ATE1: variants seen among roughly 807,000 people sequenced by gnomAD.
The protein encoded by ATE1 is arginyltransferase 1.
Under a neutral mutation model 70.5 loss-of-function variants are expected in ATE1, and 36 were observed. That is an observed-to-expected ratio of 0.51 (90% CI 0.39 to 0.67). The LOEUF (loss-of-function observed/expected upper bound fraction) is 0.67, where lower values mean the gene tolerates loss of function less well. ATE1 is among the 30% of genes least tolerant of loss of function. ATE1 has a pLI of 0.00. For synonymous variants in ATE1, 232 were observed against 219.3 expected, an observed-to-expected ratio of 1.06 and a Z score of -0.51; for missense variants, 593 against 629.5, an observed-to-expected ratio of 0.94 and a Z score of 0.62.
intron 4 of ATE1, among the ~76,000 whole-genome samples, chr10:121,912,535 C>G (rs1459096094): frequency 2.0e-5 from 3 of 151,416 alleles, no homozygotes; most frequent in Non-Finnish European, 4.4e-5. Flanking sequence ...GCCTGTGGTC[C>G]CAGCTACTCG....
intron 3 of ATE1, among the ~76,000 whole-genome samples, chr10:121,918,425 CTACTT>C (rs760173503): frequency 2.6e-5 from 4 of 151,764 alleles, no homozygotes; most frequent in Non-Finnish European, 4.4e-5. Context: ...AATCACATAA[CTACTT>C]TATTTTGCAA....
At chr10:121,881,852 G>A (rs749646452) in intron 7 of ATE1, among the ~76,000 whole-genome samples, 6 of 152,114 alleles carry the variant, frequency 3.9e-5, no homozygotes, top group Non-Finnish European at 7.4e-5. Flanking sequence ...GGAGTGCAGC[G>A]GCACGACCTC....
At chr10:121,826,703 T>C (rs1264599109) in intron 10 of ATE1, among the ~76,000 whole-genome samples, 6 of 152,232 alleles carry the variant, frequency 3.9e-5, no homozygotes, top group Non-Finnish European at 5.9e-5. Context: ...GGCGTACAAA[T>C]GAATCTGTCA....
chr10:121,795,534 T>G (rs893032414), intron 10 of ATE1, among the ~76,000 whole-genome samples: 2 of 152,192 alleles, frequency 1.3e-5, no homozygotes, highest in Non-Finnish European at 2.9e-5. Context: ...TTTAACTCTT[T>G]AAATACTCAG....
upstream of ATE1, chr10:121,928,368 T>A: frequency 1.3e-6 from 2 of 1,532,950 alleles, no homozygotes; most frequent in Non-Finnish European, 1.8e-6. Flanking sequence ...TTGCCCTCCT[T>A]GGAATCGCAG....
chr10:121,809,485 TTAAA>T (rs1476632232), intron 10 of ATE1, among the ~76,000 whole-genome samples: 2 of 152,156 alleles, frequency 1.3e-5, no homozygotes, highest in African/African-American at 4.8e-5. Flanking sequence ...GTACTTATAA[TTAAA>T]TAATCTTTAT....
chr10:121,842,068 T>C (rs1948651112), intron 8 of ATE1, among the ~76,000 whole-genome samples: 1 of 152,152 alleles, frequency 6.6e-6, no homozygotes, highest in African/African-American at 2.4e-5. Flanking sequence ...TCTGAGAAGG[T>C]ACACAATCCC....
chr10:121,743,473 G>T lies in ATE1; in HGVS notation c.*207C>A. On this transcript the variant is annotated 3_prime_UTR_variant, in exon 12 of 12. Transcript: ENST00000224652. The stretch of plus-strand genomic sequence containing the variant: ...GATAAATCCCAATTATGGGGGCTAG[G>T]TCATAATGCAGTTTTAAAATCTTTA... The T allele has an allele frequency of 9.9e-7, 1 of 1,010,538 alleles. No homozygotes were observed. The highest frequency in any genetic ancestry group is 3.6e-4 in the Middle Eastern group (1 of 2,746). 62.6% of individuals were successfully genotyped at this position (1,010,538 alleles called of 1,614,324 possible).
At chr10:121,897,547 G>C (rs7914315) in intron 7 of ATE1, among the ~76,000 whole-genome samples, 2,265 of 152,244 alleles carry the variant, frequency 0.015, 57 homozygotes, top group African/African-American at 0.05. Context: ...TGTAGATTCT[G>C]GCCGGACCCG....
intron 11 of ATE1, among the ~76,000 whole-genome samples, chr10:121,767,243 C>T (rs1945315191): frequency 6.6e-6 from 1 of 152,142 alleles, no homozygotes; most frequent in African/African-American, 2.4e-5. Flanking sequence ...AGGGGAACGT[C>T]TTCAACTTGA....
chr10:121,906,584 A>G (rs140327448), intron 5 of ATE1, among the ~76,000 whole-genome samples: 163 of 50,192 alleles, frequency 3.2e-3, no homozygotes, highest in Non-Finnish European at 9.1e-3. Context: ...GCAGGTTCCA[A>G]AAAAAAAAAA....
intron 11 of ATE1, among the ~76,000 whole-genome samples, chr10:121,786,193 C>T (rs1477921644): frequency 7.3e-6 from 1 of 137,666 alleles, no homozygotes; most frequent in Non-Finnish European, 1.5e-5. Context: ...ACAGCACATG[C>T]TCAAGAAAGT....
chr10:121,788,593 G>A (rs1222680199), intron 11 of ATE1, among the ~76,000 whole-genome samples: 1 of 152,168 alleles, frequency 6.6e-6, no homozygotes, highest in South Asian at 2.1e-4. Context: ...AAGTTACTGC[G>A]TCCCTTTCCC....
At chr10:121,903,238 G>C (rs941968986) in intron 5 of ATE1, among the ~76,000 whole-genome samples, 1 of 152,026 alleles carries the variant, frequency 6.6e-6, no homozygotes, top group Non-Finnish European at 1.5e-5. Flanking sequence ...CTGCCTTTGT[G>C]AGGAAGAACA....
chr10:121,838,976 A>C (rs1948530124), intron 9 of ATE1, among the ~76,000 whole-genome samples: 1 of 152,228 alleles, frequency 6.6e-6, no homozygotes, highest in Non-Finnish European at 1.5e-5. Flanking sequence ...TTTCACCAAA[A>C]TACATTAAAA....
chr10:121,898,713 G>A (rs10788221), intron 7 of ATE1: 357,577 of 1,075,820 alleles, frequency 0.33, 62,011 homozygotes, highest in South Asian at 0.42. Flanking sequence ...TATGAGTCAT[G>A]TGAGTGTTCA....
chr10:121,853,772 T>C (rs1427496901), intron 8 of ATE1, among the ~76,000 whole-genome samples: 2 of 152,156 alleles, frequency 1.3e-5, no homozygotes, highest in African/African-American at 4.8e-5. Context: ...GGGCATTTTA[T>C]AAAGAATAGA....
intron 8 of ATE1, among the ~76,000 whole-genome samples, chr10:121,849,385 G>A (rs187976463): frequency 6.6e-6 from 1 of 151,942 alleles, no homozygotes; most frequent in Non-Finnish European, 1.5e-5. Flanking sequence ...CTCATCCCTG[G>A]ACCTCCCATC....
At chr10:121,834,982 T>C (rs1948380532) in intron 10 of ATE1, among the ~76,000 whole-genome samples, 1 of 152,218 alleles carries the variant, frequency 6.6e-6, no homozygotes, top group Non-Finnish European at 1.5e-5. Context: ...TCTTGAGTAC[T>C]AGAGTTTTCT....
Sources: allele counts gnomAD v4.1 joint callset (sites outside exome capture counted in the v4.1 genomes callset), GRCh38; gene constraint gnomAD v4.1.1; transcripts MANE v1.5; gene names NCBI Gene and HGNC (gene_info 2026-07-23, HGNC 2026-07-21).